INSL6: variants seen among roughly 807,000 people sequenced by gnomAD.
INSL6 encodes insulin-like peptide INSL6.
In INSL6, 16 loss-of-function variants were observed where a neutral mutation model predicts 9.4. The ratio of observed to expected loss-of-function variants is 1.70; its 90% CI spans 1.15 to 2.59. INSL6 has a LOEUF of 2.59. INSL6 is among the 30% of genes most tolerant of loss of function. The pLI, the probability that INSL6 is intolerant of heterozygous loss-of-function variation, is 0.00. For synonymous variants in INSL6, 154 were observed against 96.9 expected (o/e 1.59, Z -3.46); for missense variants, 391 against 257.3 (o/e 1.52, Z -3.56).
chr9:5,141,952 G>A (rs1255096639), intron 2 of INSL6, among the ~76,000 whole-genome samples: 2 of 150,740 alleles, frequency 1.3e-5, no homozygotes, highest in African/African-American at 4.8e-5. Flanking sequence ...AGTTATCCCA[G>A]GAGGATTTAT....
the INSL6 span, chr9:5,086,199 C>CCCGCCA: frequency 1.8e-6 from 1 of 565,414 alleles, no homozygotes; most frequent in South Asian, 5.1e-5. Context: ...CCGCGCCGCC[C>CCCGCCA]CCGCCACCAG....
At chr9:5,112,670 G>GA in the INSL6 span, 8 of 952,914 alleles carry the variant, frequency 8.4e-6, no homozygotes, top group Non-Finnish European at 1.2e-5. Context: ...CCTGCACCAG[G>GA]CCGTCTCGGT....
At chr9:5,163,740 G>C, downstream of INSL6, 1 of 573,324 alleles carries the variant, frequency 1.7e-6, no homozygotes, top group Non-Finnish European at 3.1e-6. Context: ...AAAACAACAG[G>C]GTCACCAAAG....
chr9:5,135,450 A>G (rs1824372591), intron 2 of INSL6, among the ~76,000 whole-genome samples: 1 of 152,188 alleles, frequency 6.6e-6, no homozygotes, highest in Non-Finnish European at 1.5e-5. Flanking sequence ...TCAAATTAGA[A>G]CTCAGGATTA....
chr9:5,055,550 TG>T, the INSL6 span: 1 of 736,688 alleles, frequency 1.4e-6, no homozygotes, highest in Non-Finnish European at 2.1e-6. Flanking sequence ...GCTTATCTAT[TG>T]TTATCAATAC....
At chr9:5,077,668 A>T in the INSL6 span, 1 of 807,450 alleles carries the variant, frequency 1.2e-6, no homozygotes. Context: ...CAAAAAATAA[A>T]TCTGTAATTG....
At chr9:5,042,215 G>A in the INSL6 span, among the ~76,000 whole-genome samples, 10 of 144,344 alleles carry the variant, frequency 6.9e-5, no homozygotes, top group Non-Finnish European at 1.3e-4. Context: ...TCGGCTCACT[G>A]CAAGCTCCGC....
At chr9:5,051,104 T>G in the INSL6 span, among the ~76,000 whole-genome samples, 992 of 152,260 alleles carry the variant, frequency 6.5e-3, 12 homozygotes, top group African/African-American at 0.023. Context: ...AAGTTCTGGA[T>G]TTTGGAACAT....
At chr9:5,052,481 G>C in the INSL6 span, among the ~76,000 whole-genome samples, 1 of 151,936 alleles carries the variant, frequency 6.6e-6, no homozygotes, top group Non-Finnish European at 1.5e-5. Context: ...TATTTTAAAA[G>C]AGTTTATTGA....
the INSL6 span, chr9:5,030,009 C>G: frequency 7.6e-6 from 7 of 922,796 alleles, no homozygotes; most frequent in African/African-American, 6.8e-5. Flanking sequence ...GATACCTGAA[C>G]CAATTAGTTA....
chr9:5,185,321 T>C lies in INSL6; in HGVS notation c.282A>G (p.Thr94=), dbSNP rs1423470518. 6.2e-7 allele frequency: 1 copy of C among 1,613,942 alleles called. No homozygotes were observed. The highest frequency in any genetic ancestry group is 8.5e-7 in the Non-Finnish European group (1 of 1,179,980). ...QTASPARGRG[T]NPVSTSWEEA... ...TTCGGTTTCGATTTTTACCTGGGTT[T>C]GTGCCTCTTCCCCGGGCCGGGGAAG... The change falls in exon 1 of 2, where the codon ACA becomes ACG. Residue 94 remains threonine, a synonymous_variant. Transcript: ENST00000381641.
At chr9:5,046,641 T>C in the INSL6 span, among the ~76,000 whole-genome samples, 1 of 152,224 alleles carries the variant, frequency 6.6e-6, no homozygotes, top group African/African-American at 2.4e-5. Flanking sequence ...GCACCATTTG[T>C]TGAAAGACTG....
the INSL6 span, chr9:5,022,034 C>T: frequency 2.5e-6 from 4 of 1,614,146 alleles, no homozygotes; most frequent in Non-Finnish European, 3.4e-6. Flanking sequence ...GGAACATCCA[C>T]CTCTTCTATA....
At chr9:5,071,945 T>C in the INSL6 span, among the ~76,000 whole-genome samples, 1 of 152,218 alleles carries the variant, frequency 6.6e-6, no homozygotes, top group African/African-American at 2.4e-5. Context: ...ACATTTACTA[T>C]GTGTCATGGA....
the INSL6 span, chr9:5,090,753 T>A: frequency 6.2e-7 from 1 of 1,603,252 alleles, no homozygotes; most frequent in Non-Finnish European, 8.5e-7. Flanking sequence ...TGGAGTATCT[T>A]GGTACAAAAA....
At chr9:5,113,445 A>G in the INSL6 span, 4 of 127,680 alleles carry the variant, frequency 3.1e-5, no homozygotes, top group Non-Finnish European at 5.3e-5. Context: ...AAAAAAAAAA[A>G]AAAACCCGGA....
At chr9:5,050,558 A>C in the INSL6 span, 1 of 921,428 alleles carries the variant, frequency 1.1e-6, no homozygotes, top group African/African-American at 1.7e-5. Context: ...GGCATGAGCC[A>C]CTGAGCCTGG....
chr9:5,176,907 T>C (rs1302739514), intron 1 of INSL6, among the ~76,000 whole-genome samples: 6 of 152,106 alleles, frequency 3.9e-5, no homozygotes, highest in Non-Finnish European at 8.8e-5. Context: ...GTAAATATAA[T>C]TCACAGGTAT....
chr9:5,027,368 G>A, the INSL6 span, among the ~76,000 whole-genome samples: 9 of 152,086 alleles, frequency 5.9e-5, 1 homozygote, highest in East Asian at 1.3e-3. Flanking sequence ...GTCCAAAAAA[G>A]TACATACCTT....
Sources: allele counts gnomAD v4.1 joint callset (sites outside exome capture counted in the v4.1 genomes callset), GRCh38; gene constraint gnomAD v4.1.1; transcripts MANE v1.5; gene names NCBI Gene and HGNC (gene_info 2026-07-23, HGNC 2026-07-21).